Variants in KCNU1 observed in about 807,000 individuals in gnomAD.
KCNU1 encodes potassium channel subfamily U member 1.
Under a neutral mutation model 126.8 loss-of-function variants are expected in KCNU1, and 93 were observed. The observed-to-expected ratio is 0.73, with a 90% CI of 0.62 to 0.87. The LOEUF (loss-of-function observed/expected upper bound fraction) is 0.87, where lower values mean the gene tolerates loss of function less well. Among genes scored for constraint, KCNU1 ranks in the 40% least tolerant of loss-of-function variants. The pLI, the probability that KCNU1 is intolerant of heterozygous loss-of-function variation, is 0.00. For synonymous variants in KCNU1, 523 were observed against 494.2 expected (o/e 1.06, Z -0.77); for missense variants, 1,330 against 1,367.1 (o/e 0.97, Z 0.43).
At chr8:36,810,327 T>G (rs1803666260) in intron 7 of KCNU1, among the ~76,000 whole-genome samples, 1 of 152,110 alleles carries the variant, frequency 6.6e-6, no homozygotes, top group African/African-American at 2.4e-5. Flanking sequence ...ACACAGTCTC[T>G]GCCAGGCCTA....
At chr8:36,815,533 A>T in intron 8 of KCNU1, 63 bp from the exon 9 acceptor site, 2 of 802,182 alleles carry the variant, frequency 2.5e-6, no homozygotes, top group Non-Finnish European at 4.0e-6. Context: ...TCTAATCTTG[A>T]AATTTTTGGA....
chr8:36,818,582 G>A (rs1316266465), intron 10 of KCNU1, among the ~76,000 whole-genome samples: 1 of 152,106 alleles, frequency 6.6e-6, no homozygotes, highest in African/African-American at 2.4e-5. Context: ...CCATGGAATT[G>A]CTTTTGCCTG....
At position 36,907,774 on chromosome 8, in the gene KCNU1, G is replaced by A. The variant is rs1358848255; in HGVS notation, c.2107-1537G>A. 2.0e-5 allele frequency among the ~76,000 whole-genome samples: 3 copies of A among 152,158 alleles called. No individual in the cohort carries two copies. The East Asian group carries it at 5.8e-4, about 29-fold the overall frequency. ...AAGAAGAATGATATATCCATTTGAA[G>A]TATTCTGAGTCTTTGTGTGTCTAGG... On this transcript the variant is annotated intron_variant, in intron 20 of 26. Coordinates refer to ENST00000399881, the MANE Select transcript of KCNU1 (RefSeq NM_001031836.3).
chr8:36,811,087 G>A (rs1404981609), intron 7 of KCNU1, among the ~76,000 whole-genome samples: 1 of 152,116 alleles, frequency 6.6e-6, no homozygotes, highest in African/African-American at 2.4e-5. Context: ...CAGAAACATG[G>A]TGGACAGGAC....
chr8:36,911,179 A>T, intron 22 of KCNU1, 60 bp downstream of exon 22: 1 of 1,312,866 alleles, frequency 7.6e-7, no homozygotes, highest in Non-Finnish European at 1.1e-6. Context: ...GAGATAATTA[A>T]CTCCTCTTTG....
intron 7 of KCNU1, among the ~76,000 whole-genome samples, chr8:36,812,104 C>A (rs1803739299): frequency 6.6e-6 from 1 of 151,486 alleles, no homozygotes; most frequent in South Asian, 2.1e-4. Flanking sequence ...TTTGGTCAGG[C>A]CCCTTGGCTC....
At chr8:36,839,388 C>A (rs1585440308) in intron 14 of KCNU1, among the ~76,000 whole-genome samples, 5 of 152,228 alleles carry the variant, frequency 3.3e-5, no homozygotes, top group Admixed American at 3.3e-4. Context: ...AACATTGAAA[C>A]ATTTAGATTA....
chr8:36,797,520 TTTC>T (rs1336378696), intron 2 of KCNU1, among the ~76,000 whole-genome samples: 1 of 152,164 alleles, frequency 6.6e-6, no homozygotes, highest in Non-Finnish European at 1.5e-5. Context: ...TCTAGCATGA[TTTC>T]TTCTTAATAT....
intron 24 of KCNU1, among the ~76,000 whole-genome samples, chr8:36,927,964 G>A (rs1808582507): frequency 7.3e-6 from 1 of 137,382 alleles, no homozygotes; most frequent in South Asian, 2.7e-4. Context: ...GGGAGGGAAG[G>A]ACGAAGGGAG....
intron 19 of KCNU1, among the ~76,000 whole-genome samples, chr8:36,881,796 T>TAACACA (rs1806489251): frequency 7.2e-6 from 1 of 138,844 alleles, no homozygotes; most frequent in Non-Finnish European, 1.6e-5. Context: ...AAAAGTCAAA[T>TAACACA]CACACACACA....
chr8:36,840,614 C>T (rs1003897251), intron 15 of KCNU1, 39 bp downstream of exon 15: 2 of 1,168,942 alleles, frequency 1.7e-6, no homozygotes, highest in Admixed American at 3.6e-5. Context: ...CTTCAGACAA[C>T]AGCATTCTTT....
At chr8:36,837,206 C>T (rs1419333046) in intron 14 of KCNU1, among the ~76,000 whole-genome samples, 1 of 152,058 alleles carries the variant, frequency 6.6e-6, no homozygotes, top group Non-Finnish European at 1.5e-5. Flanking sequence ...TTCCTACCTA[C>T]AGTCCAGGAT....
intron 18 of KCNU1, among the ~76,000 whole-genome samples, chr8:36,853,484 T>C (rs1805424763): frequency 6.6e-6 from 1 of 152,196 alleles, no homozygotes; most frequent in African/African-American, 2.4e-5. Context: ...TTCCCTGTGT[T>C]TTCTGTTTTC....
At chr8:36,827,495 G>A (rs1019162129) in intron 10 of KCNU1, among the ~76,000 whole-genome samples, 1 of 152,068 alleles carries the variant, frequency 6.6e-6, no homozygotes, top group African/African-American at 2.4e-5. Flanking sequence ...CTCAACTCCC[G>A]AGTTATTGAT....
intron 2 of KCNU1, among the ~76,000 whole-genome samples, chr8:36,794,962 A>G (rs569378864): frequency 1.1e-4 from 17 of 152,192 alleles, no homozygotes; most frequent in African/African-American, 4.1e-4. Context: ...AAACAAAAAC[A>G]TAAGAAATGA....
rs143758921 is a variant in KCNU1, at chr8:36,873,066, C to T, written c.2009+8545C>T. Among the ~76,000 whole-genome samples the T allele has an allele frequency of 7.1e-3, 1,074 of 152,114 alleles. 14 individuals carry two copies. The highest frequency in any genetic ancestry group is 0.024 in the African/African-American group (1,014 of 41,484). On this transcript the variant is annotated intron_variant, in intron 19 of 26. Transcript: ENST00000399881. ...TGCACTCCAGCCTGGGCAACAAGAG[C>T]GAAATTCCATCTCAAAAAATAAACT...
At chr8:36,933,593 G>T (rs988359844) in intron 26 of KCNU1, among the ~76,000 whole-genome samples, 11 of 152,076 alleles carry the variant, frequency 7.2e-5, no homozygotes, top group African/African-American at 2.7e-4. Flanking sequence ...CAACACAATT[G>T]TGTATGCCCA....
intron 5 of KCNU1, among the ~76,000 whole-genome samples, chr8:36,806,589 T>C (rs1413128098): frequency 1.3e-5 from 2 of 152,194 alleles, no homozygotes; most frequent in Admixed American, 1.3e-4. Context: ...AGGTGTTCAA[T>C]AGTTGTTGAT....
At chr8:36,820,927 A>G (rs368311602) in intron 10 of KCNU1, among the ~76,000 whole-genome samples, 2 of 152,194 alleles carry the variant, frequency 1.3e-5, no homozygotes, top group Non-Finnish European at 2.9e-5. Flanking sequence ...CAAAGTGGAG[A>G]GAGATCTGTC....
Sources: allele counts gnomAD v4.1 joint callset (sites outside exome capture counted in the v4.1 genomes callset), GRCh38; gene constraint gnomAD v4.1.1; transcripts MANE v1.5; gene names NCBI Gene and HGNC (gene_info 2026-07-23, HGNC 2026-07-21).